The following AFF2 variants were observed in gnomAD, a reference collection of about 807,000 sequenced individuals.
The protein encoded by AFF2 is ALF transcription elongation factor 2.
AFF2 carries 14 observed loss-of-function variants against 76.9 expected under a neutral mutation model. The ratio of observed to expected loss-of-function variants is 0.18; its 90% confidence interval spans 0.12 to 0.28. The LOEUF (loss-of-function observed/expected upper bound fraction) is 0.28. Among genes scored for constraint, AFF2 ranks in the 10% least tolerant of loss-of-function variants. The pLI is 1.00. For synonymous variants in AFF2, 398 were observed against 366.7 expected (o/e 1.09, Z -0.98); for missense variants, 868 against 1,001.1 (o/e 0.87, Z 1.79).
chrX:148,581,190 T>TATAATATACGTATACGTATACGTATACAC (rs1569551610), intron 1 of AFF2, among the ~76,000 whole-genome samples: 12 of 87,831 alleles, frequency 1.4e-4, no homozygotes, highest in African/African-American at 4.8e-4. Context: ...TACACACATA[T>TATAATATACGTATACGTATACGTATACAC]ACATATACGT....
At chrX:148,973,632 T>C (rs1557289831) in intron 16 of AFF2, 25 bp downstream of exon 16, 1 of 1,169,669 alleles carries the variant, frequency 8.5e-7, no homozygotes, top group Admixed American at 2.2e-5. Context: ...TGCAATCATC[T>C]TCCTACACTC....
chrX:148,602,299 T>C (rs916916141), intron 1 of AFF2, among the ~76,000 whole-genome samples: 9 of 111,651 alleles, frequency 8.1e-5, no homozygotes, highest in African/African-American at 2.6e-4. Context: ...ACAGATATTG[T>C]ACAGCCTGGC....
At chrX:148,693,603 C>T (rs1557260975) in intron 3 of AFF2, among the ~76,000 whole-genome samples, 1 of 112,012 alleles carries the variant, frequency 8.9e-6, no homozygotes, top group Non-Finnish European at 1.9e-5. Context: ...GCTTCTTTTG[C>T]TTATATTGTC....
chrX:148,855,778 A>G (rs782387169), intron 7 of AFF2, among the ~76,000 whole-genome samples: 20 of 111,921 alleles, frequency 1.8e-4, no homozygotes, highest in Admixed American at 3.8e-4. Flanking sequence ...TGGTCAAGTT[A>G]CTTAACCTCT....
At chrX:148,907,860 G>A (rs781965375) in intron 9 of AFF2, among the ~76,000 whole-genome samples, 21 of 110,774 alleles carry the variant, frequency 1.9e-4, no homozygotes, top group African/African-American at 6.6e-4. Context: ...GCCTGGGAGC[G>A]CTATGGGAGA....
In AFF2 at chrX:148,966,702, C is replaced by T. The variant is rs575527508; in HGVS notation, c.2914-88C>T. On this transcript the variant is annotated intron_variant, in intron 13 of 20. Transcript: ENST00000370460. ...CTTTTTTTTTTTTTTTGCCTTCTTT[C>T]GTAACGTGCTTGACATTCAAAGCAT... The T allele has an allele frequency of 2.6e-4, 280 of 1,090,068 alleles. 3 individuals are homozygous for T. The South Asian group carries it at 5.2e-3, about 20-fold the overall frequency. The allele number at this position is 1,090,068 out of a possible 1,213,427, so 89.8% of individuals were successfully genotyped here. A position where few individuals can be genotyped will look rare whatever the true frequency, so the allele number is the denominator to read the frequency against.
chrX:148,548,829 A>G, intron 1 of AFF2, among the ~76,000 whole-genome samples: 1 of 112,486 alleles, frequency 8.9e-6, no homozygotes, highest in Non-Finnish European at 1.9e-5. Flanking sequence ...TGGATTCTGA[A>G]CAATTGGCTC....
intron 3 of AFF2, among the ~76,000 whole-genome samples, chrX:148,805,209 A>G (rs1408473057): frequency 5.4e-5 from 6 of 111,495 alleles, no homozygotes; most frequent in Admixed American, 9.5e-5. Context: ...TCTGTTGTGG[A>G]TATTGGTTAA....
At chrX:148,578,118 C>T (rs2053312523) in intron 1 of AFF2, among the ~76,000 whole-genome samples, 2 of 112,234 alleles carry the variant, frequency 1.8e-5, no homozygotes, top group Admixed American at 1.9e-4. Context: ...TCAGAAAATT[C>T]CAATTGGAGG....
At chrX:148,956,678 CT>C (rs1158742911) in intron 11 of AFF2, 65 bp downstream of exon 11, 2 of 1,057,624 alleles carry the variant, frequency 1.9e-6, no homozygotes, top group Non-Finnish European at 2.5e-6. Flanking sequence ...CTAACTTGAT[CT>C]TGAGCCTCAT....
At chrX:148,614,707 TTC>T (rs1416263728) in intron 1 of AFF2, among the ~76,000 whole-genome samples, 1 of 48,713 alleles carries the variant, frequency 2.1e-5, no homozygotes, top group Admixed American at 1.7e-4. Flanking sequence ...CTTTCTTTCT[TTC>T]TTTCTTTCTT....
chrX:148,852,228 C>T (rs1167421674), intron 7 of AFF2, among the ~76,000 whole-genome samples: 4 of 110,418 alleles, frequency 3.6e-5, no homozygotes, highest in Non-Finnish European at 5.7e-5. Context: ...TTATATTCCT[C>T]TGGGTATATA....
chrX:148,828,543 A>G (rs191707890), intron 4 of AFF2, among the ~76,000 whole-genome samples: 1 of 112,602 alleles, frequency 8.9e-6, no homozygotes, highest in Non-Finnish European at 1.9e-5. Context: ...AATAAAGATT[A>G]AAATTTACAA....
In AFF2 at chrX:148,594,874, G is replaced by A. The variant is rs2053558194; in HGVS notation, c.48-57125G>A. On this transcript the variant is annotated intron_variant, in intron 1 of 20. Coordinates refer to ENST00000370460, the MANE Select transcript of AFF2 (RefSeq NM_002025.4). ...TTTATTTTTTGGAGAGGATAAAACA[G>A]AGGTTTGTTGTCCTGGAGTACTTTT... is the stretch of plus-strand genomic sequence containing the variant. Among the ~76,000 whole-genome samples the A allele has an allele frequency of 2.7e-5, 3 of 112,092 alleles. No homozygotes were observed. In the Admixed American group the frequency reaches 2.8e-4, roughly 11 times the overall value.
At chrX:148,908,515 C>A (rs1249383149) in intron 9 of AFF2, among the ~76,000 whole-genome samples, 1 of 112,193 alleles carries the variant, frequency 8.9e-6, no homozygotes, top group Non-Finnish European at 1.9e-5. Context: ...TGACTCATGC[C>A]ACATGTAAAA....
At chrX:148,579,814 T>C (rs1352679714) in intron 1 of AFF2, among the ~76,000 whole-genome samples, 1 of 111,348 alleles carries the variant, frequency 9.0e-6, no homozygotes, top group Non-Finnish European at 1.9e-5. Flanking sequence ...GATGGCCAAA[T>C]AGACATGATA....
In AFF2 at chrX:148,997,289, ACACACACACACT is replaced by A. The variant is rs1377977487; in HGVS notation, c.*5969_*5980del. On this transcript the variant is annotated 3_prime_UTR_variant, in exon 21 of 21. Transcript: ENST00000370460. ...ATAATGAGGCTTTCATTAAATACAC[ACACACACACACT>A]CACACACACACACATACACTTTTTA... is the stretch of plus-strand genomic sequence containing the variant. 9.3e-6 allele frequency: 1 copy of A among 107,819 alleles called. No homozygotes were observed. The highest frequency in any genetic ancestry group is 3.7e-5 in the African/African-American group (1 of 27,220). The allele number at this position is 107,819 out of a possible 1,213,427, so 8.9% of individuals were successfully genotyped here. A position where few individuals can be genotyped will look rare whatever the true frequency, so the allele number is the denominator to read the frequency against.
At chrX:148,654,069 A>G (rs920446014) in intron 2 of AFF2, among the ~76,000 whole-genome samples, 2 of 111,417 alleles carry the variant, frequency 1.8e-5, no homozygotes, top group African/African-American at 3.3e-5. Flanking sequence ...AGTAAAAAAG[A>G]GGACAAACAA....
At chrX:148,764,668 A>G (rs1320842607) in intron 3 of AFF2, among the ~76,000 whole-genome samples, 1 of 112,290 alleles carries the variant, frequency 8.9e-6, no homozygotes, top group Non-Finnish European at 1.9e-5. Context: ...ACTTACATAT[A>G]CACATGCCTT....
Sources: gnomAD v4.1 joint callset for allele counts (sites outside exome capture counted in the v4.1 genomes callset) on GRCh38, gnomAD v4.1.1 for gene constraint, MANE v1.5 for transcripts, NCBI Gene and HGNC (gene_info 2026-07-23, HGNC 2026-07-21) for gene names.